Variants in FOXO3 observed in about 807,000 individuals in gnomAD.
FOXO3 encodes the protein forkhead box protein O3.
Under a neutral mutation model 41.9 loss-of-function variants are expected in FOXO3, and 4 were observed. The observed-to-expected ratio is 0.10, with a 90% confidence interval of 0.05 to 0.22. FOXO3 has a LOEUF of 0.22. FOXO3 is among the 10% of genes least tolerant of loss of function. The pLI, the probability that FOXO3 is intolerant of heterozygous loss-of-function variation, is 1.00. For missense variants in FOXO3, 534 were observed against 906.8 expected (o/e 0.59, Z 5.28); for synonymous variants, 318 against 389.3 (o/e 0.82, Z 2.16).
At chr6:108,641,983 G>A (rs974034702) in intron 1 of FOXO3, among the ~76,000 whole-genome samples, 3 of 152,066 alleles carry the variant, frequency 2.0e-5, no homozygotes, top group Admixed American at 6.6e-5. Context: ...TTAGAAGAAT[G>A]CAAGAATGCA....
chr6:108,592,947 A>G (rs1776769041), intron 1 of FOXO3, among the ~76,000 whole-genome samples: 1 of 152,176 alleles, frequency 6.6e-6, no homozygotes, highest in South Asian at 2.1e-4. Flanking sequence ...ATTTAGAGAG[A>G]CGTTTTCCTG....
intron 1 of FOXO3, among the ~76,000 whole-genome samples, chr6:108,612,729 TG>T (rs1777398725): frequency 6.6e-6 from 1 of 152,048 alleles, no homozygotes. Context: ...TAATATATAC[TG>T]TATACACTTT....
intron 1 of FOXO3, among the ~76,000 whole-genome samples, chr6:108,635,880 C>T (rs543772430): frequency 2.6e-5 from 4 of 152,312 alleles, no homozygotes; most frequent in African/African-American, 4.8e-5. Flanking sequence ...GAGTTGGTTA[C>T]GATGACTGGA....
chr6:108,632,298 G>A (rs532974808), intron 1 of FOXO3, among the ~76,000 whole-genome samples: 27 of 152,302 alleles, frequency 1.8e-4, no homozygotes, highest in African/African-American at 6.0e-4. Flanking sequence ...CAGAGGATAA[G>A]TAAGGGGTAG....
chr6:108,561,757 C>G lies in FOXO3; in HGVS notation c.549C>G (p.Ile183Met). 6.2e-7 allele frequency: 1 copy of G among 1,605,650 alleles called. No individual in the cohort carries two copies. The highest frequency in any genetic ancestry group is 8.5e-7 in the Non-Finnish European group (1 of 1,176,642). ...ACAAACGGCTCACTCTGTCCCAGAT[C>G]TACGAGTGGATGGTGCGTTGCGTGC... is the stretch of plus-strand genomic sequence containing the variant. ...SPDKRLTLSQ[I>M]YEWMVRCVPY... Residue 183 changes from isoleucine (I) to methionine (M), a missense_variant, in exon 1 of 3, where the codon ATC (isoleucine) becomes ATG (methionine). By Grantham distance (10) the Ile-to-Met change is conservative. Transcript: ENST00000406360.
chr6:108,634,348 G>A (rs1198550822), intron 1 of FOXO3, among the ~76,000 whole-genome samples: 1 of 152,152 alleles, frequency 6.6e-6, no homozygotes, highest in Non-Finnish European at 1.5e-5. Flanking sequence ...AGGTTTCAGA[G>A]ATAAGAATCT....
intron 1 of FOXO3, among the ~76,000 whole-genome samples, chr6:108,658,704 G>A (rs1029260128): frequency 1.1e-4 from 16 of 152,066 alleles, no homozygotes; most frequent in African/African-American, 3.9e-4. Flanking sequence ...GATTACAGGT[G>A]TGAGCCACCG....
chr6:108,601,894 A>G (rs1007574335), intron 1 of FOXO3, among the ~76,000 whole-genome samples: 1 of 152,152 alleles, frequency 6.6e-6, no homozygotes, highest in African/African-American at 2.4e-5. Flanking sequence ...TCATCACTCA[A>G]TGGACATTTG....
chr6:108,656,270 A>G (rs1005827326), intron 1 of FOXO3: 3 of 577,776 alleles, frequency 5.2e-6, no homozygotes, highest in Non-Finnish European at 6.6e-6. Context: ...GAGAAAGATA[A>G]ATTGATACCA....
At chr6:108,578,694 C>G (rs1390115924) in intron 1 of FOXO3, among the ~76,000 whole-genome samples, 1 of 152,094 alleles carries the variant, frequency 6.6e-6, no homozygotes, top group African/African-American at 2.4e-5. Context: ...GTTTTAAAAC[C>G]ACTATCAGAC....
At chr6:108,648,066 G>A (rs534160688) in intron 1 of FOXO3, among the ~76,000 whole-genome samples, 3 of 152,314 alleles carry the variant, frequency 2.0e-5, no homozygotes, top group African/African-American at 4.8e-5. Flanking sequence ...CAAAGTCACT[G>A]TGGCGAGGGG....
intron 1 of FOXO3, among the ~76,000 whole-genome samples, chr6:108,610,502 G>A (rs1777330337): frequency 6.6e-6 from 1 of 152,222 alleles, no homozygotes; most frequent in African/African-American, 2.4e-5. Flanking sequence ...GGAAAAAACA[G>A]TGGAGCTTTC....
Position 108,561,246 on chromosome 6 carries a change from C to G in FOXO3, c.38C>G (p.Pro13Arg). Reference sequence around the variant, plus strand: ...CCGGCTTCCCCGGCCCCGCTCTCTCCGCTCGAAGTGGAGCTGGACCCGGAG... The same window carrying G: ...CCGGCTTCCCCGGCCCCGCTCTCTCGGCTCGAAGTGGAGCTGGACCCGGAG... ...EAPASPAPLS[P>R]LEVELDPEFE... Residue 13 changes from proline to arginine, a missense_variant, in exon 1 of 3, where the codon CCG (proline) becomes CGG (arginine). By Grantham distance (103) the Pro-to-Arg change is moderately radical. Coordinates refer to ENST00000406360, the MANE Select transcript of FOXO3 (RefSeq NM_001455.4). 6.4e-7 allele frequency: 1 copy of G among 1,564,736 alleles called. No homozygotes were observed. The highest frequency in any genetic ancestry group is 8.6e-7 in the Non-Finnish European group (1 of 1,157,558).
intron 1 of FOXO3, among the ~76,000 whole-genome samples, chr6:108,603,958 C>T (rs1005059509): frequency 6.6e-6 from 1 of 151,854 alleles, no homozygotes; most frequent in Admixed American, 6.6e-5. Context: ...CCAGGAATTC[C>T]TAGAATAATT....
intron 1 of FOXO3, 137 bp downstream of exon 1, chr6:108,561,966 T>TGG: frequency 7.6e-7 from 1 of 1,317,282 alleles, no homozygotes; most frequent in Non-Finnish European, 9.9e-7. Flanking sequence ...TGCGAGGCTT[T>TGG]GGGGGTTATC....
chr6:108,578,088 A>G (rs895771986), intron 1 of FOXO3, among the ~76,000 whole-genome samples: 5 of 152,220 alleles, frequency 3.3e-5, no homozygotes, highest in Non-Finnish European at 7.3e-5. Flanking sequence ...AATCTGATAT[A>G]CCAGAAGATT....
chr6:108,674,576 G>A (rs1034728131), intron 2 of FOXO3, among the ~76,000 whole-genome samples: 2 of 152,198 alleles, frequency 1.3e-5, no homozygotes, highest in African/African-American at 4.8e-5. Flanking sequence ...TACTAGGTGA[G>A]TGACTTAAGA....
intron 1 of FOXO3, among the ~76,000 whole-genome samples, chr6:108,563,622 T>G (rs182726779): frequency 1.3e-5 from 2 of 152,348 alleles, no homozygotes; most frequent in Admixed American, 6.5e-5. Flanking sequence ...TTGAATTTGG[T>G]GAGGAGAATA....
At chr6:108,670,236 A>G (rs892392575) in intron 2 of FOXO3, among the ~76,000 whole-genome samples, 5 of 152,246 alleles carry the variant, frequency 3.3e-5, no homozygotes, top group Middle Eastern at 6.8e-3. Flanking sequence ...TCATCCCAAG[A>G]TGGAGATTCT....
Sources: gnomAD v4.1 joint callset for allele counts (sites outside exome capture counted in the v4.1 genomes callset) on GRCh38, gnomAD v4.1.1 for gene constraint, MANE v1.5 for transcripts, NCBI Gene and HGNC (gene_info 2026-07-23, HGNC 2026-07-21) for gene names.